The following ARHGAP15 variants were observed in gnomAD, a reference collection of about 807,000 sequenced individuals.
The protein encoded by ARHGAP15 is rho GTPase-activating protein 15.
ARHGAP15 carries 51 observed loss-of-function variants against 63.7 expected under a neutral mutation model. The ratio of observed to expected loss-of-function variants is 0.80; its 90% CI spans 0.64 to 1.01. The LOEUF (loss-of-function observed/expected upper bound fraction) is 1.01, where lower values mean the gene tolerates loss of function less well. Ranked by LOEUF, ARHGAP15 falls within the 50% of genes least tolerant of loss-of-function variation. ARHGAP15 has a pLI of 0.00. For missense variants in ARHGAP15, 560 were observed against 564.6 expected, an observed-to-expected ratio of 0.99 and a Z score of 0.08; for synonymous variants, 191 against 193.8, an observed-to-expected ratio of 0.99 and a Z score of 0.12.
intron 6 of ARHGAP15, among the ~76,000 whole-genome samples, chr2:143,423,810 A>G (rs1251897395): frequency 6.6e-6 from 1 of 152,178 alleles, no homozygotes; most frequent in African/African-American, 2.4e-5. Context: ...TGTAGCCCTT[A>G]TAATGGTCCT....
Position 143,696,607 on chromosome 2 carries a change from C to G in ARHGAP15, c.1139-6812C>G, listed in dbSNP as rs147251638. On this transcript the variant is annotated intron_variant, in intron 12 of 13. Transcript: ENST00000295095. Reference sequence around the variant, plus strand: ...TTGAAGCTTCCCTCATTTAACAAATCCATAAACTTATGCCAATTAATTGGC... The same window carrying G: ...TTGAAGCTTCCCTCATTTAACAAATGCATAAACTTATGCCAATTAATTGGC... Among the ~76,000 whole-genome samples, 43 of 152,210 alleles carry G rather than the reference C, an allele frequency of 2.8e-4. No homozygotes were observed. The East Asian group carries it at 8.1e-3, about 29-fold the overall frequency.
At chr2:143,177,555 C>G (rs354701) in intron 2 of ARHGAP15, among the ~76,000 whole-genome samples, 152,216 of 152,346 alleles carry the variant, frequency 1, 76,043 homozygotes, top group Non-Finnish European at 1. Flanking sequence ...ACTCAAGTAT[C>G]TGTACTTACA....
At chr2:143,662,402 A>C (rs1347550819) in intron 12 of ARHGAP15, among the ~76,000 whole-genome samples, 2 of 145,194 alleles carry the variant, frequency 1.4e-5, no homozygotes, top group African/African-American at 5.0e-5. Context: ...CATCCACACC[A>C]AAAACCCATC....
chr2:143,268,002 C>A (rs1462627961), intron 6 of ARHGAP15, among the ~76,000 whole-genome samples: 3 of 152,090 alleles, frequency 2.0e-5, no homozygotes, highest in Admixed American at 6.5e-5. Context: ...TGGGAAAAAA[C>A]CATCTGTATT....
intron 6 of ARHGAP15, among the ~76,000 whole-genome samples, chr2:143,391,509 C>A (rs965697524): frequency 6.6e-6 from 1 of 152,096 alleles, no homozygotes; most frequent in African/African-American, 2.4e-5. Context: ...TTTTGGGGAG[C>A]CTGCCTTCAG....
At chr2:143,250,963 T>G (rs1409237987) in intron 6 of ARHGAP15, among the ~76,000 whole-genome samples, 4 of 152,034 alleles carry the variant, frequency 2.6e-5, no homozygotes, top group African/African-American at 9.7e-5. Flanking sequence ...AAGTATAAGC[T>G]ATTTACATTC....
chr2:143,184,365 A>T (rs76994545), intron 2 of ARHGAP15, among the ~76,000 whole-genome samples: 1 of 152,178 alleles, frequency 6.6e-6, no homozygotes, highest in Non-Finnish European at 1.5e-5. Flanking sequence ...ATTATTTCTG[A>T]TGACTTTAAT....
intron 8 of ARHGAP15, among the ~76,000 whole-genome samples, chr2:143,465,134 C>T (rs1574485629): frequency 6.6e-6 from 1 of 152,234 alleles, no homozygotes; most frequent in East Asian, 1.9e-4. Flanking sequence ...TCCTTAACCT[C>T]CTCCTGTTTT....
intron 8 of ARHGAP15, among the ~76,000 whole-genome samples, chr2:143,445,633 C>T (rs187806020): frequency 1.8e-4 from 27 of 152,190 alleles, no homozygotes; most frequent in South Asian, 1.7e-3. Flanking sequence ...ACCTGATGCA[C>T]ACTGCTACAT....
intron 5 of ARHGAP15, among the ~76,000 whole-genome samples, chr2:143,243,663 G>T (rs907119686): frequency 3.4e-4 from 52 of 151,964 alleles, no homozygotes; most frequent in African/African-American, 1.2e-3. Flanking sequence ...TTAATTTCAG[G>T]CTTCTTGAAT....
intron 12 of ARHGAP15, among the ~76,000 whole-genome samples, chr2:143,658,831 C>T (rs963272638): frequency 3.3e-5 from 5 of 152,174 alleles, no homozygotes; most frequent in African/African-American, 2.4e-5. Context: ...ACTTCTATCA[C>T]GTGCCCATTT....
intron 12 of ARHGAP15, among the ~76,000 whole-genome samples, chr2:143,695,247 C>A (rs1683790268): frequency 6.6e-6 from 1 of 151,840 alleles, no homozygotes; most frequent in South Asian, 2.1e-4. Context: ...AGAAATAAAC[C>A]CATGAGCTTT....
At chr2:143,727,614 G>T (rs962791513) in intron 13 of ARHGAP15, among the ~76,000 whole-genome samples, 11 of 152,152 alleles carry the variant, frequency 7.2e-5, no homozygotes, top group Non-Finnish European at 1.5e-4. Context: ...CAGAGGTAAG[G>T]TTTTCAGCTC....
rs2381508 is a variant in ARHGAP15, at chr2:143,767,104, T to G, written c.1245-885T>G. 3.8e-3 allele frequency among the ~76,000 whole-genome samples: 582 copies of G among 152,348 alleles called. 3 individuals are homozygous for G. The highest frequency in any genetic ancestry group is 0.012 in the African/African-American group (493 of 41,580). ...GAGTTTGATATTTCTTAGCACTCTT[T>G]CTTTCCATATGCTTTCCTTATTTCC... On this transcript the variant is annotated intron_variant, in intron 13 of 13. Coordinates refer to ENST00000295095, the MANE Select transcript of ARHGAP15 (RefSeq NM_018460.4).
intron 8 of ARHGAP15, among the ~76,000 whole-genome samples, chr2:143,473,103 C>T (rs1691657408): frequency 6.6e-6 from 1 of 152,046 alleles, no homozygotes. Context: ...GTTTGCATTC[C>T]AACAACATTT....
chr2:143,561,465 G>T (rs918334834), intron 11 of ARHGAP15, among the ~76,000 whole-genome samples: 1 of 151,704 alleles, frequency 6.6e-6, no homozygotes, highest in Non-Finnish European at 1.5e-5. Context: ...CTGAACTGAA[G>T]AAAATTACTT....
intron 6 of ARHGAP15, among the ~76,000 whole-genome samples, chr2:143,270,355 C>G (rs1470708610): frequency 2.0e-5 from 3 of 152,186 alleles, no homozygotes; most frequent in Admixed American, 1.3e-4. Flanking sequence ...ATATGATCTT[C>G]TTGGTATTTA....
intron 6 of ARHGAP15, among the ~76,000 whole-genome samples, chr2:143,410,337 A>G (rs1271318077): frequency 6.6e-6 from 1 of 152,148 alleles, no homozygotes; most frequent in Admixed American, 6.5e-5. Flanking sequence ...TAACAAATTC[A>G]TCTTTGAGAT....
At chr2:143,391,061 C>A (rs1307097127) in intron 6 of ARHGAP15, among the ~76,000 whole-genome samples, 2 of 152,024 alleles carry the variant, frequency 1.3e-5, no homozygotes, top group Non-Finnish European at 2.9e-5. Context: ...GGTGGAAGCG[C>A]GGTAGAATAT....
Sources: gnomAD v4.1 joint callset for allele counts (sites outside exome capture counted in the v4.1 genomes callset) on GRCh38, gnomAD v4.1.1 for gene constraint, MANE v1.5 for transcripts, NCBI Gene and HGNC (gene_info 2026-07-23, HGNC 2026-07-21) for gene names.